PHTF1: variants seen among roughly 807,000 people sequenced by gnomAD.
PHTF1 encodes the protein protein PHTF1.
Under a neutral mutation model 102.4 loss-of-function variants are expected in PHTF1, and 88 were observed. That is an observed-to-expected ratio of 0.86 (90% CI 0.72 to 1.03). PHTF1 has a LOEUF of 1.03. Among genes scored for constraint, PHTF1 ranks in the 50% least tolerant of loss-of-function variants. The pLI is 0.00. For synonymous variants in PHTF1, 289 were observed against 305.2 expected (o/e 0.95, Z 0.55); for missense variants, 814 against 909.5 (o/e 0.89, Z 1.35).
At chr1:113,717,569 A>G (rs1652254020) in intron 7 of PHTF1, among the ~76,000 whole-genome samples, 1 of 152,206 alleles carries the variant, frequency 6.6e-6, no homozygotes, top group Non-Finnish European at 1.5e-5. Flanking sequence ...GGAGTAGTGT[A>G]TTAGTTCATT....
Position 113,726,512 on chromosome 1 carries a change from A to AG in PHTF1, c.393dup (p.Cys133ValfsTer40), listed in dbSNP as rs886746162. 6.2e-7 allele frequency: 1 copy of AG among 1,608,422 alleles called. No homozygotes were observed. The highest frequency in any genetic ancestry group is 1.3e-5 in the African/African-American group (1 of 74,782). On this transcript the variant is annotated frameshift_variant, in exon 6 of 19. Coordinates refer to ENST00000369604, the MANE Select transcript of PHTF1 (RefSeq NM_001323043.2). LOFTEE classifies it high-confidence loss of function. The stretch of plus-strand genomic sequence containing the variant: ...GTTCCCATGAGTAGCATAAGGCACA[A>AG]GGGTCCAAGTACTTCACTTATGTTC...
intron 5 of PHTF1, among the ~76,000 whole-genome samples, chr1:113,737,248 GAC>G (rs2101590688): frequency 1.3e-5 from 2 of 152,256 alleles, no homozygotes; most frequent in African/African-American, 4.8e-5. Flanking sequence ...ATGAACTGGA[GAC>G]AAAAAGAAGA....
chr1:113,745,987 CT>C (rs918128619), intron 3 of PHTF1, among the ~76,000 whole-genome samples: 15 of 152,238 alleles, frequency 9.9e-5, no homozygotes, highest in African/African-American at 3.4e-4. Context: ...AAACTGGTCT[CT>C]GGTGCCAAAA....
rs759824052 is a variant in PHTF1 at position 113,711,890 on chromosome 1, T to G, written c.957+50A>C. ...GAAAATATGTTAAATGCTTTGTTAC[T>G]AACTTCAATGATTCAGTCCTATACT... On this transcript the variant is annotated intron_variant, in intron 9 of 18. Transcript: ENST00000369604. The G allele has an allele frequency of 3.1e-6, 5 of 1,602,734 alleles. No individual in the cohort carries two copies. In the South Asian group the frequency reaches 5.5e-5, roughly 18 times the overall value.
At chr1:113,721,666 G>A (rs558885558) in intron 7 of PHTF1, among the ~76,000 whole-genome samples, 13 of 152,186 alleles carry the variant, frequency 8.5e-5, no homozygotes, top group Admixed American at 4.6e-4. Context: ...AAAGTTGCAG[G>A]ATACAAAATT....
At chr1:113,731,620 G>A (rs907583086) in intron 5 of PHTF1, among the ~76,000 whole-genome samples, 1 of 152,008 alleles carries the variant, frequency 6.6e-6, no homozygotes, top group African/African-American at 2.4e-5. Flanking sequence ...AAGGCCAGGC[G>A]CTGTGGCTCA....
intron 5 of PHTF1, among the ~76,000 whole-genome samples, chr1:113,732,982 G>C (rs1036305318): frequency 6.6e-6 from 1 of 150,838 alleles, no homozygotes; most frequent in African/African-American, 2.4e-5. Context: ...CTGTAACTTC[G>C]AACTCCTGGG....
rs144726334 is a variant in PHTF1, at chr1:113,710,341, T to C, written c.1182A>G (p.Ser394=). The change falls in exon 11 of 19, where the codon TCA becomes TCG. Residue 394 remains serine (S), a synonymous_variant. Transcript: ENST00000369604. ...CCCCCTCACTGTCACTGGTGACAGA[T>C]GACCGGCACTCTGGGCCATGTAGCA... ...DDLLHGPECR[S]SVTSDSEGAH... 7 of 1,613,962 alleles carry C rather than the reference T, an allele frequency of 4.3e-6. No individual in the cohort carries two copies. In the Admixed American group the frequency reaches 8.3e-5, roughly 19 times the overall value.
At chr1:113,702,552 G>C (rs1322828345) in intron 15 of PHTF1, among the ~76,000 whole-genome samples, 2 of 151,902 alleles carry the variant, frequency 1.3e-5, no homozygotes, top group African/African-American at 4.8e-5. Context: ...AGGAGTTCGA[G>C]GCCAGCCTGG....
intron 11 of PHTF1, among the ~76,000 whole-genome samples, chr1:113,708,501 C>T (rs915467086): frequency 6.6e-6 from 1 of 152,080 alleles, no homozygotes; most frequent in Non-Finnish European, 1.5e-5. Context: ...TGGCAGGCGG[C>T]AGGCACCTGT....
rs1019757220 is a variant in PHTF1 at position 113,701,049 on chromosome 1, A to G, written c.1891-100T>C. ...ATTTAAGAACATTTCCAAAAATCCA[A>G]TATTTTAATACTGAAAGCAGAAGAG... is the stretch of plus-strand genomic sequence containing the variant. On this transcript the variant is annotated intron_variant, in intron 15 of 18. Coordinates refer to ENST00000369604, the MANE Select transcript of PHTF1 (RefSeq NM_001323043.2). The G allele has an allele frequency of 4.7e-6, 4 of 842,490 alleles. No individual in the cohort carries two copies. The African/African-American group carries it at 5.2e-5, about 11-fold the overall frequency. The allele number at this position is 842,490 out of a possible 1,614,324, so 52.2% of individuals were successfully genotyped here.
chr1:113,722,793 G>A (rs1474944292), intron 7 of PHTF1, among the ~76,000 whole-genome samples: 1 of 151,108 alleles, frequency 6.6e-6, no homozygotes. Context: ...CGTGGTGGCA[G>A]GCGCCTGTAA....
chr1:113,703,865 C>A, intron 15 of PHTF1: 3 of 471,484 alleles, frequency 6.4e-6, no homozygotes, highest in South Asian at 8.9e-5. Flanking sequence ...TAATAATTAC[C>A]AACTAAAATT....
intron 5 of PHTF1, among the ~76,000 whole-genome samples, chr1:113,729,253 G>T (rs1654279736): frequency 6.6e-6 from 1 of 152,166 alleles, no homozygotes; most frequent in Non-Finnish European, 1.5e-5. Flanking sequence ...GAGAGTAGAA[G>T]GCTCTGAGGC....
At chr1:113,747,673 T>G (rs1022614393) in intron 3 of PHTF1, among the ~76,000 whole-genome samples, 1 of 152,218 alleles carries the variant, frequency 6.6e-6, no homozygotes, top group African/African-American at 2.4e-5. Flanking sequence ...AGACTCTAAG[T>G]TCAAAATATA....
intron 3 of PHTF1, among the ~76,000 whole-genome samples, chr1:113,739,339 G>C (rs1002509090): frequency 2.0e-5 from 3 of 151,698 alleles, no homozygotes; most frequent in African/African-American, 4.8e-5. Flanking sequence ...TAAAATATTC[G>C]AACAGTGCCA....
At chr1:113,710,211 G>T in intron 11 of PHTF1, 43 bp downstream of exon 11, 2 of 1,403,742 alleles carry the variant, frequency 1.4e-6, no homozygotes, top group South Asian at 1.2e-5. Context: ...CACACAGTAA[G>T]AACACAATAA....
Position 113,759,252 on chromosome 1 carries a change from G to T in PHTF1, c.-260C>A. Reference sequence around the variant, plus strand: ...GCAAATCGATCGCCGGTCAGAGGCCGCCTACAGGGTCACGGACTGACCAGA... The same window carrying T: ...GCAAATCGATCGCCGGTCAGAGGCCTCCTACAGGGTCACGGACTGACCAGA... On this transcript the variant is annotated 5_prime_UTR_variant, in exon 1 of 19. Transcript: ENST00000369604. 5.7e-6 allele frequency: 1 copy of T among 175,764 alleles called. No individual in the cohort carries two copies. Among genetic ancestry groups the T allele is most frequent in the Non-Finnish European group, 1.1e-5 (1 of 89,238 alleles). 10.9% of individuals were successfully genotyped at this position (175,764 alleles called of 1,614,324 possible).
chr1:113,724,964 A>G, intron 6 of PHTF1, 71 bp from the exon 7 acceptor site: 4 of 1,071,944 alleles, frequency 3.7e-6, no homozygotes, highest in Non-Finnish European at 5.4e-6. Context: ...ATATCCCTAC[A>G]GAAAATTATA....
Sources: gnomAD v4.1 joint callset for allele counts (sites outside exome capture counted in the v4.1 genomes callset) on GRCh38, gnomAD v4.1.1 for gene constraint, MANE v1.5 for transcripts, NCBI Gene and HGNC (gene_info 2026-07-23, HGNC 2026-07-21) for gene names.